RRM2B: variants seen among roughly 807,000 people sequenced by gnomAD.
The protein encoded by RRM2B is ribonucleotide reductase regulatory TP53 inducible subunit M2B.
A neutral mutation model predicts 45.9 loss-of-function variants in RRM2B; 20 were observed. That is an observed-to-expected ratio of 0.44 (90% CI 0.31 to 0.63). RRM2B has a LOEUF of 0.63. Ranked by LOEUF, RRM2B falls within the 30% of genes least tolerant of loss-of-function variation. The pLI is 0.09. For synonymous variants in RRM2B, 124 were observed against 132.3 expected, an observed-to-expected ratio of 0.94 and a Z score of 0.43; for missense variants, 320 against 414.7, an observed-to-expected ratio of 0.77 and a Z score of 1.98.
chr8:102,213,162 C>T (rs953585795), intron 7 of RRM2B, among the ~76,000 whole-genome samples: 1 of 151,914 alleles, frequency 6.6e-6, no homozygotes, highest in Admixed American at 6.6e-5. Context: ...ATATAAGACT[C>T]GGATTCGTAT....
rs1045057526 is a variant in RRM2B at position 102,238,609 on chromosome 8, A to G, written c.48+218T>C. The stretch of plus-strand genomic sequence containing the variant: ...TCCTTGGCTGGCCCCGGGGCAGAGC[A>G]GCGAGCGGGACGCAAACCCAAAGTC... On this transcript the variant is annotated intron_variant, in intron 1 of 8. Transcript: ENST00000251810. The G allele has an allele frequency of 9.8e-6, 15 of 1,528,198 alleles. No homozygotes were observed. In the African/African-American group the frequency reaches 1.7e-4, roughly 17 times the overall value. 94.7% of individuals were successfully genotyped at this position (1,528,198 alleles called of 1,614,324 possible).
chr8:102,226,745 C>T (rs185277148), intron 2 of RRM2B, among the ~76,000 whole-genome samples: 4 of 152,264 alleles, frequency 2.6e-5, no homozygotes, highest in Admixed American at 6.5e-5. Flanking sequence ...GATGAAGTCT[C>T]GCTCTGTCGC....
In RRM2B at chr8:102,218,862, A is replaced by ACTT. The variant is rs863224914; in HGVS notation, c.635_636insAAG (p.Gly212_Leu213insSer). ...TGGAAAAAGTGAGTCCTGGCATAAG[A>ACTT]CCTCTCTTCTTTAGCCAGAATATAG... is the stretch of plus-strand genomic sequence containing the variant. On this transcript the variant is annotated inframe_insertion, in exon 6 of 9. Coordinates refer to ENST00000251810, the MANE Select transcript of RRM2B (RefSeq NM_015713.5). The ACTT allele has an allele frequency of 6.2e-7, 1 of 1,613,950 alleles. No individual in the cohort carries two copies.
At chr8:102,230,525 C>T (rs1811009625) in intron 2 of RRM2B, among the ~76,000 whole-genome samples, 1 of 152,204 alleles carries the variant, frequency 6.6e-6, no homozygotes, top group Non-Finnish European at 1.5e-5. Flanking sequence ...AAAAACCTTT[C>T]TAAAAACCAC....
At position 102,226,326 on chromosome 8, in the gene RRM2B, TTA is replaced by T. The variant is rs28999707; in HGVS notation, c.205-294_205-293del. On this transcript the variant is annotated intron_variant, in intron 2 of 8. Transcript: ENST00000251810. ...TGTTACATAATGGGTAACCATTTTATTATATATATATATATATAACATCATGT... is the reference window on the plus strand; with the variant it reads ...TGTTACATAATGGGTAACCATTTTATTATATATATATATATAACATCATGT... Among the ~76,000 whole-genome samples, 413 of 146,666 alleles carry T rather than the reference TTA, an allele frequency of 2.8e-3. 4 individuals are homozygous for T. Among genetic ancestry groups the T allele is most frequent in the South Asian group, 7.6e-3 (35 of 4,614 alleles).
chr8:102,213,365 A>G (rs940845482), intron 7 of RRM2B, among the ~76,000 whole-genome samples: 2 of 152,188 alleles, frequency 1.3e-5, no homozygotes, highest in East Asian at 1.9e-4. Context: ...CCATACTGAA[A>G]GACTATATAG....
At chr8:102,217,840 AG>A (rs1379713007) in intron 6 of RRM2B, among the ~76,000 whole-genome samples, 4 of 151,358 alleles carry the variant, frequency 2.6e-5, no homozygotes, top group Non-Finnish European at 4.4e-5. Context: ...AAAAAAAAAA[AG>A]GGGTGGTAAG....
At chr8:102,219,112 T>C in intron 5 of RRM2B, 165 bp from the exon 6 acceptor site, 1 of 679,820 alleles carries the variant, frequency 1.5e-6, no homozygotes, top group Non-Finnish European at 2.5e-6. Flanking sequence ...GCGCCACCTC[T>C]ACCTACTGGA....
At chr8:102,223,628 A>T (rs1810872331) in intron 5 of RRM2B, among the ~76,000 whole-genome samples, 1 of 150,460 alleles carries the variant, frequency 6.6e-6, no homozygotes, top group African/African-American at 2.4e-5. Context: ...CTTGGAAGGC[A>T]GCAGTTGCAG....
At chr8:102,219,493 T>C (rs998174961) in intron 5 of RRM2B, among the ~76,000 whole-genome samples, 1 of 152,238 alleles carries the variant, frequency 6.6e-6, no homozygotes. Flanking sequence ...ATATATCTAT[T>C]AGATAAAATG....
At position 102,224,157 on chromosome 8, in the gene RRM2B, A is replaced by T; in HGVS notation, c.456-17T>A. 6.8e-7 allele frequency: 1 copy of T among 1,471,546 alleles called. No homozygotes were observed. Among genetic ancestry groups the T allele is most frequent in the Non-Finnish European group, 9.5e-7 (1 of 1,050,630 alleles). 91.2% of individuals were successfully genotyped at this position (1,471,546 alleles called of 1,614,324 possible). A position where few individuals can be genotyped will look rare whatever the true frequency, so the allele number is the denominator to read the frequency against. ...AAAAATTCCCTGTAAAAACAAAAGAATGAACAGCAAAGTTATTCACTTGTT... is the reference window on the plus strand; with the variant it reads ...AAAAATTCCCTGTAAAAACAAAAGATTGAACAGCAAAGTTATTCACTTGTT... On this transcript the variant is annotated splice_polypyrimidine_tract_variant and intron_variant, in intron 4 of 8. Coordinates refer to ENST00000251810, the MANE Select transcript of RRM2B (RefSeq NM_015713.5).
chr8:102,218,909 A>G lies in RRM2B; in HGVS notation c.589T>C (p.Phe197Leu). The change falls in exon 6 of 9, where the codon TTC becomes CTC. Residue 197 changes from phenylalanine (F) to leucine (L), a missense_variant. Phe to Leu is a conservative substitution (Grantham distance 22). Transcript: ENST00000251810. ...VVAFAAVEGVFFSGSFAAIFW... is the reference protein window; with the variant it reads ...VVAFAAVEGVLFSGSFAAIFW... ...ATAGCAGCAAAAGATCCTGAGAAGA[A>G]AACTCCTTCTACAGCAGCAAAGGCC... 6.2e-7 allele frequency: 1 copy of G among 1,613,690 alleles called. No homozygotes were observed. The highest frequency in any genetic ancestry group is 1.1e-5 in the South Asian group (1 of 91,066).
Position 102,225,983 on chromosome 8 carries a change from TCTC to T in RRM2B, c.253_255del (p.Glu85del), listed in dbSNP as rs515726184. ...GCTAAGATGTGAGAGATGAAGTACTTCTCATCTGCTTTAAGCTTGTTCCAGTGA... is the reference window on the plus strand; with the variant it reads ...GCTAAGATGTGAGAGATGAAGTACTTATCTGCTTTAAGCTTGTTCCAGTGA... On this transcript the variant is annotated inframe_deletion, in exon 3 of 9. Coordinates refer to ENST00000251810, the MANE Select transcript of RRM2B (RefSeq NM_015713.5). 1.6e-5 allele frequency: 25 copies of T among 1,612,758 alleles called. No individual in the cohort carries two copies. Among genetic ancestry groups the T allele is most frequent in the Non-Finnish European group, 2.1e-5 (25 of 1,178,964 alleles).
In RRM2B at chr8:102,208,123, G is replaced by T. The variant is rs1265117; in HGVS notation, c.*10C>A. The T allele has an allele frequency of 6.2e-7, 1 of 1,607,882 alleles. No homozygotes were observed. Among genetic ancestry groups the T allele is most frequent in the South Asian group, 1.1e-5 (1 of 90,624 alleles). On this transcript the variant is annotated 3_prime_UTR_variant, in exon 9 of 9. Coordinates refer to ENST00000251810, the MANE Select transcript of RRM2B (RefSeq NM_015713.5). ...TGACAAGTTTATAGAGTTTTAAAACGAGAGGTTTTTTAAAAATCTGCATCC... is the reference window on the plus strand; with the variant it reads ...TGACAAGTTTATAGAGTTTTAAAACTAGAGGTTTTTTAAAAATCTGCATCC...
At position 102,224,047 on chromosome 8, in the gene RRM2B, A is replaced by G. The variant is rs759840326; in HGVS notation, c.549T>C (p.Phe183=). Residue 183 remains phenylalanine, a splice_region_variant and synonymous_variant, in exon 5 of 9, where the codon TTT becomes TTC. Coordinates refer to ENST00000251810, the MANE Select transcript of RRM2B (RefSeq NM_015713.5). ...LRWIADRKST[F]GERVVAFAAV... ...CATACATAAATTAGAGCCACATACC[A>G]AAAGTAGATTTTCTATCTGCTATCC... 1.3e-5 allele frequency: 21 copies of G among 1,608,050 alleles called. No homozygotes were observed. Among genetic ancestry groups the G allele is most frequent in the Non-Finnish European group, 1.6e-5 (19 of 1,174,538 alleles).
intron 5 of RRM2B, among the ~76,000 whole-genome samples, chr8:102,221,575 C>G (rs936771410): frequency 7.9e-5 from 12 of 152,178 alleles, no homozygotes; most frequent in African/African-American, 2.9e-4. Context: ...TTCCTCTTTC[C>G]CTGTTCCACT....
Position 102,232,223 on chromosome 8 carries a change from T to A in RRM2B, c.130A>T (p.Ile44Phe). Reference sequence around the variant, plus strand: ...ATATCAGGGTACTGGATTGGAAAGATGACAAACCGGCGAGAACTCTTTCTT... The same window carrying A: ...ATATCAGGGTACTGGATTGGAAAGAAGACAAACCGGCGAGAACTCTTTCTT... ...LLRKSSRRFV[I>F]FPIQYPDIWK... Residue 44 changes from isoleucine (I) to phenylalanine (F), a missense_variant, in exon 2 of 9, where the codon ATC becomes TTC. This residue lies in a region of RRM2B where 225 missense variants were observed against 289.4 expected (regional missense o/e 0.78). Transcript: ENST00000251810. 6.2e-7 allele frequency: 1 copy of A among 1,614,158 alleles called. No homozygotes were observed. The highest frequency in any genetic ancestry group is 8.5e-7 in the Non-Finnish European group (1 of 1,179,966).
intron 2 of RRM2B, among the ~76,000 whole-genome samples, chr8:102,230,804 CTAAG>C (rs745716102): frequency 3.9e-5 from 6 of 152,284 alleles, no homozygotes; most frequent in South Asian, 2.1e-4. Context: ...TTAGTGCCTA[CTAAG>C]TGTCAACTAC....
intron 2 of RRM2B, among the ~76,000 whole-genome samples, chr8:102,230,317 G>A (rs756475519): frequency 1.1e-4 from 16 of 152,216 alleles, no homozygotes; most frequent in Non-Finnish European, 1.6e-4. Context: ...ATTAGCTACA[G>A]AACACGTACC....
Sources: gnomAD v4.1 joint callset for allele counts (sites outside exome capture counted in the v4.1 genomes callset) on GRCh38, gnomAD v4.1.1 for gene constraint, gnomAD v4.1.1 regional missense constraint, MANE v1.5 for transcripts, NCBI Gene and HGNC (gene_info 2026-07-23, HGNC 2026-07-21) for gene names.